LNPK: variants seen among roughly 807,000 people sequenced by gnomAD.
The protein encoded by LNPK is endoplasmic reticulum junction formation protein lunapark.
In LNPK, 29 loss-of-function variants were observed where a neutral mutation model predicts 55.2. That is an observed-to-expected ratio of 0.53 (90% CI 0.39 to 0.72). LNPK has a LOEUF of 0.72. Among genes scored for constraint, LNPK ranks in the 30% least tolerant of loss-of-function variants. The pLI, the probability that LNPK is intolerant of heterozygous loss-of-function variation, is 0.00. For missense variants in LNPK, 467 were observed against 494.8 expected, an observed-to-expected ratio of 0.94 and a Z score of 0.53; for synonymous variants, 162 against 168.2, an observed-to-expected ratio of 0.96 and a Z score of 0.29.
intron 4 of LNPK, among the ~76,000 whole-genome samples, chr2:175,989,585 A>C (rs573981353): frequency 6.6e-6 from 1 of 152,158 alleles, no homozygotes; most frequent in Admixed American, 6.5e-5. Context: ...AAATGAACCA[A>C]CTCCCAAGGT....
chr2:175,930,273 TAAACACACACACAC>T (rs1249243473), intron 12 of LNPK, 74 bp from the exon 13 acceptor site: 14 of 751,632 alleles, frequency 1.9e-5, no homozygotes, highest in South Asian at 3.2e-5. Flanking sequence ...GCAAAAAAGA[TAAACACACACACAC>T]ACACACACAC....
At chr2:175,942,764 G>A (rs1684919888) in intron 9 of LNPK, among the ~76,000 whole-genome samples, 1 of 150,852 alleles carries the variant, frequency 6.6e-6, no homozygotes, top group African/African-American at 2.4e-5. Context: ...TCCACATTAA[G>A]AAACTAAAAA....
At position 175,928,671 on chromosome 2, in the gene LNPK, CATA is replaced by C. The variant is rs1684127003; in HGVS notation, c.*1293_*1295del. ...TATACAGGTATATTTTTCCCTTCAG[CATA>C]ATAATTTGATTTCCATTTTTTTTAA... is the stretch of plus-strand genomic sequence containing the variant. On this transcript the variant is annotated 3_prime_UTR_variant, in exon 13 of 13. Transcript: ENST00000272748. 6.6e-6 allele frequency: 1 copy of C among 151,958 alleles called. No homozygotes were observed. The allele number at this position is 151,958 out of a possible 1,614,324, so 9.4% of individuals were successfully genotyped here. A position where few individuals can be genotyped will look rare whatever the true frequency, so the allele number is the denominator to read the frequency against.
rs35338571 is a variant in LNPK, at chr2:175,930,275, AACACACAC to A, written c.1055-84_1055-77del. 1,935 of 660,654 alleles carry A rather than the reference AACACACAC, an allele frequency of 2.9e-3. 4 individuals carry two copies. Among genetic ancestry groups the A allele is most frequent in the African/African-American group, 0.015 (807 of 54,394 alleles). 40.9% of individuals were successfully genotyped at this position (660,654 alleles called of 1,614,324 possible). ...CTAAATAAGGCAAGCAAAAAAGATAAACACACACACACACACACACACACACACACACA... is the reference window on the plus strand; with the variant it reads ...CTAAATAAGGCAAGCAAAAAAGATAAACACACACACACACACACACACACA... On this transcript the variant is annotated intron_variant, in intron 12 of 12. Transcript: ENST00000272748.
chr2:175,964,151 T>A (rs1255347972), intron 8 of LNPK, among the ~76,000 whole-genome samples: 2 of 152,174 alleles, frequency 1.3e-5, no homozygotes, highest in Non-Finnish European at 2.9e-5. Flanking sequence ...ATATATTTAA[T>A]CTCAATACAT....
rs1248885372 is a variant in LNPK at position 175,992,299 on chromosome 2, C to T, written c.189G>A (p.Leu63=). ...LYLFTCLIVY[L]WYLPDEFTAR... ...CTGTAAATTCATCAGGAAGATACCACAAATATACAATTAAGCATGTAAACA... is the reference window on the plus strand; with the variant it reads ...CTGTAAATTCATCAGGAAGATACCATAAATATACAATTAAGCATGTAAACA... Residue 63 remains leucine, a synonymous_variant, in exon 4 of 13, where the codon TTG becomes TTA. Transcript: ENST00000272748. 6.4e-7 allele frequency: 1 copy of T among 1,574,144 alleles called. No individual in the cohort carries two copies. The highest frequency in any genetic ancestry group is 8.6e-7 in the Non-Finnish European group (1 of 1,166,586).
intron 12 of LNPK, among the ~76,000 whole-genome samples, chr2:175,933,241 C>T (rs891749115): frequency 1.3e-5 from 2 of 152,032 alleles, no homozygotes; most frequent in African/African-American, 2.4e-5. Context: ...AAAACTGAAA[C>T]TCATAAAACA....
intron 9 of LNPK, among the ~76,000 whole-genome samples, chr2:175,943,322 A>G (rs1257572174): frequency 6.6e-6 from 1 of 151,824 alleles, no homozygotes; most frequent in Non-Finnish European, 1.5e-5. Flanking sequence ...TAAATTAAGG[A>G]AGAAATAATA....
chr2:175,976,015 A>C (rs187039572), intron 5 of LNPK, among the ~76,000 whole-genome samples: 2 of 152,216 alleles, frequency 1.3e-5, no homozygotes, highest in East Asian at 3.9e-4. Flanking sequence ...TCCATCTCAA[A>C]AAAAAAGAAA....
intron 6 of LNPK, among the ~76,000 whole-genome samples, chr2:175,966,346 G>A (rs768889538): frequency 7.9e-5 from 12 of 152,194 alleles, no homozygotes; most frequent in Non-Finnish European, 1.5e-4. Flanking sequence ...TTACAGGTGT[G>A]AGCCACTGCG....
At chr2:175,993,371 TAAATAA>T in intron 2 of LNPK, 148 bp from the exon 3 acceptor site, 1 of 498,522 alleles carries the variant, frequency 2.0e-6, no homozygotes. Context: ...AAGATTTATT[TAAATAA>T]AAATTATAAT....
At chr2:175,953,251 C>T (rs1685508701) in intron 8 of LNPK, among the ~76,000 whole-genome samples, 1 of 151,940 alleles carries the variant, frequency 6.6e-6, no homozygotes, top group African/African-American at 2.4e-5. Context: ...GTCTTAGGTG[C>T]TCTTACTCTA....
At chr2:175,954,334 A>C (rs1351492983) in intron 8 of LNPK, among the ~76,000 whole-genome samples, 2 of 152,152 alleles carry the variant, frequency 1.3e-5, no homozygotes, top group African/African-American at 4.8e-5. Flanking sequence ...TTAGAGTGAT[A>C]AACAGGAAAA....
intron 12 of LNPK, among the ~76,000 whole-genome samples, chr2:175,936,935 G>A (rs1444590839): frequency 6.6e-6 from 1 of 152,094 alleles, no homozygotes; most frequent in Non-Finnish European, 1.5e-5. Context: ...CTACCAATTT[G>A]TGTGGTAGAT....
rs566199922 is a variant in LNPK at position 175,999,910 on chromosome 2, T to TG, written c.-63+2249dup. Among the ~76,000 whole-genome samples the TG allele has an allele frequency of 3.0e-3, 464 of 152,164 alleles. 30 individuals are homozygous for TG. In the South Asian group the frequency reaches 0.087, roughly 28 times the overall value. ...CCTCCCATGTAGCTGGGATTACAGG[T>TG]GTATGCCACCACTCCCGACTAATTT... On this transcript the variant is annotated intron_variant, in intron 1 of 12. Coordinates refer to ENST00000272748, the MANE Select transcript of LNPK (RefSeq NM_030650.3).
chr2:175,949,435 T>C (rs56393028), intron 8 of LNPK, among the ~76,000 whole-genome samples: 25,718 of 151,988 alleles, frequency 0.17, 2,290 homozygotes, highest in Non-Finnish European at 0.21. Context: ...AGGCATCAAA[T>C]ACTGTAAATC....
chr2:175,982,288 T>G (rs530634711), intron 4 of LNPK, among the ~76,000 whole-genome samples: 1 of 152,250 alleles, frequency 6.6e-6, no homozygotes, highest in African/African-American at 2.4e-5. Context: ...CTGTAGGAAA[T>G]GTATAAATTT....
At chr2:175,971,857 T>A (rs1442400450) in intron 5 of LNPK, among the ~76,000 whole-genome samples, 2 of 152,184 alleles carry the variant, frequency 1.3e-5, no homozygotes, top group East Asian at 3.8e-4. Context: ...GTTAGCAAAC[T>A]TATTCTGTAA....
In LNPK at chr2:175,992,398, T is replaced by G. The variant is rs1411954003; in HGVS notation, c.90A>C (p.Glu30Asp). 6.6e-7 allele frequency: 1 copy of G among 1,512,594 alleles called. No homozygotes were observed. Among genetic ancestry groups the G allele is most frequent in the Non-Finnish European group, 8.8e-7 (1 of 1,136,582 alleles). The allele number at this position is 1,512,594 out of a possible 1,614,324, so 93.7% of individuals were successfully genotyped here. A position where few individuals can be genotyped will look rare whatever the true frequency, so the allele number is the denominator to read the frequency against. The change falls in exon 4 of 13, where the codon GAA becomes GAC. Residue 30 changes from glutamate (E) to aspartate (D), a missense_variant. Coordinates refer to ENST00000272748, the MANE Select transcript of LNPK (RefSeq NM_030650.3). ...GTAATCTCTGATTTTTTTCCCTAAA[T>G]TCTTCCAATGCTTGAATTTCCTGTT... ...SIDKEIQALE[E>D]FREKNQRLQK...
Sources: allele counts gnomAD v4.1 joint callset (sites outside exome capture counted in the v4.1 genomes callset), GRCh38; gene constraint gnomAD v4.1.1; transcripts MANE v1.5; gene names NCBI Gene and HGNC (gene_info 2026-07-23, HGNC 2026-07-21).